The following FBXL18 variants were observed in gnomAD, a reference collection of about 807,000 sequenced individuals.
FBXL18 encodes F-box/LRR-repeat protein 18.
FBXL18 carries 36 observed loss-of-function variants against 46.0 expected under a neutral mutation model. That is an observed-to-expected ratio of 0.78 (90% CI 0.60 to 1.03). FBXL18 has a LOEUF of 1.03. FBXL18 is among the 50% of genes least tolerant of loss of function. FBXL18 has a pLI of 0.00. For synonymous variants in FBXL18, 557 were observed against 465.3 expected, an observed-to-expected ratio of 1.20 and a Z score of -2.54; for missense variants, 977 against 1,004.1, an observed-to-expected ratio of 0.97 and a Z score of 0.36.
At chr7:5,493,687 G>GTC (rs1275039058) in intron 3 of FBXL18, among the ~76,000 whole-genome samples, 1 of 114,172 alleles carries the variant, frequency 8.8e-6, no homozygotes, top group African/African-American at 3.1e-5. Flanking sequence ...GTGCGTGCGT[G>GTC]TGTGTGTGTG....
downstream of FBXL18, among the ~76,000 whole-genome samples, chr7:5,473,690 G>A (rs1283302172): frequency 1.3e-5 from 2 of 151,598 alleles, no homozygotes; most frequent in Admixed American, 6.6e-5. Flanking sequence ...GAACTCGGGA[G>A]GCAGAGGTTG....
At chr7:5,485,621 C>T (rs1186043144) in intron 4 of FBXL18, among the ~76,000 whole-genome samples, 1 of 151,712 alleles carries the variant, frequency 6.6e-6, no homozygotes, top group African/African-American at 2.4e-5. Context: ...CAAGACCACC[C>T]CGGGGGCTAG....
At chr7:5,488,913 C>G (rs1432338787) in intron 4 of FBXL18, among the ~76,000 whole-genome samples, 1 of 152,206 alleles carries the variant, frequency 6.6e-6, no homozygotes, top group Non-Finnish European at 1.5e-5. Context: ...CCCTTTGGAG[C>G]CTGTGACCCA....
chr7:5,459,694 T>G (rs1301036337), intron 4 of FBXL18, among the ~76,000 whole-genome samples: 1 of 149,090 alleles, frequency 6.7e-6, no homozygotes, highest in Non-Finnish European at 1.5e-5. Flanking sequence ...GAGCAGAGAT[T>G]GTGCCACTGC....
chr7:5,475,131 C>G (rs1373443622), downstream of FBXL18, among the ~76,000 whole-genome samples: 1 of 151,172 alleles, frequency 6.6e-6, no homozygotes, highest in African/African-American at 2.4e-5. This position sits in a 1 kb window ranked among gnomAD's most constrained non-coding sequence, Gnocchi z 4.2. Flanking sequence ...CCAGCCTGGT[C>G]AACATGGCGA....
intron 1 of FBXL18, among the ~76,000 whole-genome samples, chr7:5,508,203 T>C (rs535534952): frequency 6.6e-6 from 1 of 150,706 alleles, no homozygotes; most frequent in South Asian, 2.1e-4. Flanking sequence ...GATGTGGAGG[T>C]TGCAGTGAGC....
intron 2 of FBXL18, among the ~76,000 whole-genome samples, chr7:5,504,808 C>T (rs373950350): frequency 2.1e-5 from 3 of 146,190 alleles, no homozygotes; most frequent in East Asian, 2.1e-4. Context: ...CCCAGGTACT[C>T]GGGAGGCTGA....
At chr7:5,492,879 T>C (rs1336140531) in intron 3 of FBXL18, among the ~76,000 whole-genome samples, 4 of 152,120 alleles carry the variant, frequency 2.6e-5, no homozygotes, top group African/African-American at 9.7e-5. Context: ...ATTTGGGGCC[T>C]CTGGGCTCCA....
chr7:5,469,618 TGTGA>T (rs893489345), intron 4 of FBXL18, among the ~76,000 whole-genome samples: 10 of 150,328 alleles, frequency 6.7e-5, no homozygotes, highest in African/African-American at 9.8e-5. Flanking sequence ...GTGGTGTGGG[TGTGA>T]GTGTGAGCGT....
At chr7:5,498,366 G>A (rs746562907) in intron 3 of FBXL18, among the ~76,000 whole-genome samples, 9 of 152,160 alleles carry the variant, frequency 5.9e-5, no homozygotes, top group Non-Finnish European at 7.4e-5. Flanking sequence ...GATTACAGGC[G>A]TGAGCCACGG....
rs1210684982 is a variant in FBXL18 at position 5,480,146 on chromosome 7, T to A, written c.*1629A>T. Among the ~76,000 whole-genome samples, 1 of 152,154 alleles carries A rather than the reference T, an allele frequency of 6.6e-6. No individual in the cohort carries two copies. Among genetic ancestry groups the A allele is most frequent in the Non-Finnish European group, 1.5e-5 (1 of 68,030 alleles). ...GGAGGCCTGGGGATGGTGTACCCCATTTTTTAACAGCAAAGCAAATGTGAG... is the reference window on the plus strand; with the variant it reads ...GGAGGCCTGGGGATGGTGTACCCCAATTTTTAACAGCAAAGCAAATGTGAG... On this transcript the variant is annotated 3_prime_UTR_variant, in exon 5 of 5. Coordinates refer to ENST00000382368, the MANE Select transcript of FBXL18 (RefSeq NM_024963.6).
At chr7:5,509,596 G>A (rs541762169) in intron 1 of FBXL18, among the ~76,000 whole-genome samples, 2 of 151,652 alleles carry the variant, frequency 1.3e-5, no homozygotes, top group South Asian at 4.2e-4. Context: ...CAGCAACTCG[G>A]GGGGCTGAGG....
At chr7:5,495,320 C>T (rs1236351696) in intron 3 of FBXL18, among the ~76,000 whole-genome samples, 2 of 152,136 alleles carry the variant, frequency 1.3e-5, no homozygotes, top group Non-Finnish European at 2.9e-5. Flanking sequence ...AGGGTGGCTC[C>T]GGGGCCTGGC....
rs537223508 is a variant in FBXL18 at position 5,484,309 on chromosome 7, T to C, written c.2001-2378A>G. Among the ~76,000 whole-genome samples the C allele has an allele frequency of 2.4e-3, 362 of 150,720 alleles. 2 individuals are homozygous for C. The highest frequency in any genetic ancestry group is 8.1e-3 in the African/African-American group (334 of 41,090). ...GGTGAAACCCCGTCTCTACTAAAAA[T>C]ACAAAAAAAAAATTAGCCGGGCGTG... is the stretch of plus-strand genomic sequence containing the variant. On this transcript the variant is annotated intron_variant, in intron 4 of 4. Transcript: ENST00000382368.
At chr7:5,494,954 T>C (rs1328604194) in intron 3 of FBXL18, among the ~76,000 whole-genome samples, 4 of 152,240 alleles carry the variant, frequency 2.6e-5, no homozygotes, top group African/African-American at 4.8e-5. Context: ...GTGTTCAGGA[T>C]GTGGCAGGCC....
chr7:5,508,011 G>A (rs1456669722), intron 1 of FBXL18, among the ~76,000 whole-genome samples: 1 of 152,086 alleles, frequency 6.6e-6, no homozygotes, highest in Middle Eastern at 3.2e-3. Context: ...GCTCACGCCT[G>A]TAATCCCAGC....
chr7:5,455,912 C>T lies in FBXL18; in HGVS notation c.2001-8069G>A, dbSNP rs923805549. 4.6e-5 allele frequency among the ~76,000 whole-genome samples: 7 copies of T among 152,094 alleles called. No homozygotes were observed. Among genetic ancestry groups the T allele is most frequent in the African/African-American group, 9.7e-5 (4 of 41,396 alleles). ...CCCCATGCGGGACTCTCTCATGGGCCGTGCTGGCTCCAGCATCGCAGTCTA... is the reference window on the plus strand; with the variant it reads ...CCCCATGCGGGACTCTCTCATGGGCTGTGCTGGCTCCAGCATCGCAGTCTA... On this transcript the variant is annotated intron_variant and NMD_transcript_variant, in intron 4 of 6. Transcript: ENST00000415009. The surrounding 1 kb of genome is among the most constrained non-coding windows in gnomAD (Gnocchi z 4.6).
In FBXL18 at chr7:5,475,924, C is replaced by T. The variant is rs551264003; in HGVS notation, c.*5851G>A. 12 of 152,440 alleles carry T rather than the reference C, an allele frequency of 7.9e-5. No individual in the cohort carries two copies. The highest frequency in any genetic ancestry group is 5.8e-4 in the East Asian group (3 of 5,192). 9.4% of individuals were successfully genotyped at this position (152,440 alleles called of 1,614,324 possible). A position where few individuals can be genotyped will look rare whatever the true frequency, so the allele number is the denominator to read the frequency against. Reference sequence around the variant, plus strand: ...GTCAGGAGCAGGCATCACCGTGAGACGCCACGGGGGCAGGTCAGCGGGACG... The same window carrying T: ...GTCAGGAGCAGGCATCACCGTGAGATGCCACGGGGGCAGGTCAGCGGGACG... On this transcript the variant is annotated 3_prime_UTR_variant, in exon 5 of 5. Transcript: ENST00000382368. This position sits in a 1 kb window ranked among gnomAD's most constrained non-coding sequence, Gnocchi z 4.2.
chr7:5,513,552 G>T (rs1784596059), intron 1 of FBXL18, 105 bp downstream of exon 1: 3 of 1,292,726 alleles, frequency 2.3e-6, no homozygotes, highest in Non-Finnish European at 3.3e-6. Context: ...GCGGGGTAGG[G>T]GTCGGGATAG....
Sources: allele counts gnomAD v4.1 joint callset (sites outside exome capture counted in the v4.1 genomes callset), GRCh38; gene constraint gnomAD v4.1.1; non-coding constraint Gnocchi (gnomAD v3.1); transcripts MANE v1.5; gene names NCBI Gene and HGNC (gene_info 2026-07-23, HGNC 2026-07-21).